ARPC2: variants seen among roughly 807,000 people sequenced by gnomAD.
ARPC2 encodes the protein actin-related protein 2/3 complex subunit 2.
In ARPC2, 4 loss-of-function variants were observed where a neutral mutation model predicts 38.6. The ratio of observed to expected loss-of-function variants is 0.10; its 90% CI spans 0.05 to 0.24. ARPC2 has a LOEUF of 0.24. ARPC2 is among the 10% of genes least tolerant of loss of function. The pLI, the probability that ARPC2 is intolerant of heterozygous loss-of-function variation, is 1.00. For synonymous variants in ARPC2, 125 were observed against 140.8 expected (o/e 0.89, Z 0.79); for missense variants, 229 against 387.3 (o/e 0.59, Z 3.43).
chr2:218,254,081 T>A lies in ARPC2; in HGVS notation c.*166T>A. On this transcript the variant is annotated 3_prime_UTR_variant, in exon 11 of 11. Coordinates refer to ENST00000315717, the MANE Select transcript of ARPC2 (RefSeq NM_152862.3). ...ATAATCTGCAGAAACGAGCTGTGCT[T>A]GCAAAGACTTCATAGTTCCCAAGAA... 1.4e-6 allele frequency: 1 copy of A among 692,330 alleles called. No homozygotes were observed. The highest frequency in any genetic ancestry group is 2.3e-5 in the South Asian group (1 of 42,742). 42.9% of individuals were successfully genotyped at this position (692,330 alleles called of 1,614,324 possible).
chr2:218,245,381 C>G (rs1690007489), intron 7 of ARPC2, 39 bp from the exon 8 acceptor site: 2 of 1,612,934 alleles, frequency 1.2e-6, no homozygotes, highest in South Asian at 2.2e-5. Flanking sequence ...TCATCTTACA[C>G]CCACTTCTCT....
intron 2 of ARPC2, among the ~76,000 whole-genome samples, chr2:218,224,903 G>A (rs1292491481): frequency 3.9e-5 from 6 of 152,140 alleles, no homozygotes; most frequent in Admixed American, 6.5e-5. Context: ...CGTTTCTTTC[G>A]CAGGTAATGG....
At chr2:218,239,716 C>T (rs1051796936) in intron 7 of ARPC2, among the ~76,000 whole-genome samples, 6 of 151,778 alleles carry the variant, frequency 4.0e-5, no homozygotes, top group Non-Finnish European at 8.8e-5. Context: ...GCCTCAACCT[C>T]CTGAGTAGCT....
intron 10 of ARPC2, among the ~76,000 whole-genome samples, chr2:218,252,316 A>G (rs1367242515): frequency 6.6e-6 from 1 of 152,212 alleles, no homozygotes; most frequent in Non-Finnish European, 1.5e-5. Flanking sequence ...ATGCCATGCA[A>G]TGAAATGGCA....
At chr2:218,223,705 A>G (rs1304908417) in intron 2 of ARPC2, among the ~76,000 whole-genome samples, 1 of 152,238 alleles carries the variant, frequency 6.6e-6, no homozygotes, top group Non-Finnish European at 1.5e-5. Flanking sequence ...CTGTGGTCAC[A>G]TAGCCAATAA....
At chr2:218,239,073 T>C in intron 6 of ARPC2, 2 of 566,054 alleles carry the variant, frequency 3.5e-6, no homozygotes, top group Non-Finnish European at 6.2e-6. Context: ...AATCCAGTGC[T>C]TTCCTTTAAG....
chr2:218,220,276 A>G (rs1411025903), intron 2 of ARPC2, among the ~76,000 whole-genome samples: 1 of 152,176 alleles, frequency 6.6e-6, no homozygotes, highest in Non-Finnish European at 1.5e-5. Context: ...CCGATGGGGG[A>G]AATTACAGTT....
At position 218,222,974 on chromosome 2, in the gene ARPC2, C is replaced by G. The variant is rs190287093; in HGVS notation, c.75-2946C>G. 1.2e-3 allele frequency among the ~76,000 whole-genome samples: 182 copies of G among 152,282 alleles called. 1 individual carries two copies. The highest frequency in any genetic ancestry group is 4.1e-3 in the African/African-American group (172 of 41,548). On this transcript the variant is annotated intron_variant, in intron 2 of 10. Transcript: ENST00000315717. Reference sequence around the variant, plus strand: ...TGTATGGCACATTTGGGTAAATGGTCTAGCCTCTCAGAGATCCTGCCACCT... The same window carrying G: ...TGTATGGCACATTTGGGTAAATGGTGTAGCCTCTCAGAGATCCTGCCACCT...
At chr2:218,253,739 A>G (rs1690249497) in intron 10 of ARPC2, 152 bp from the exon 11 acceptor site, 2 of 927,242 alleles carry the variant, frequency 2.2e-6, no homozygotes, top group South Asian at 2.1e-5. Context: ...ATTTTAGCCG[A>G]TGTCCTGTGG....
chr2:218,223,374 A>G (rs1689427078), intron 2 of ARPC2, among the ~76,000 whole-genome samples: 1 of 152,234 alleles, frequency 6.6e-6, no homozygotes, highest in African/African-American at 2.4e-5. Flanking sequence ...CTTGTGTTCA[A>G]GTTACCCTTA....
Position 218,234,348 on chromosome 2 carries a change from C to G in ARPC2, c.223-4C>G. On this transcript the variant is annotated splice_region_variant and splice_polypyrimidine_tract_variant and intron_variant, in intron 4 of 10. Coordinates refer to ENST00000315717, the MANE Select transcript of ARPC2 (RefSeq NM_152862.3). ...TTTGGTTTTGTTTTGTTTTTATTTT[C>G]TAGTTATTAAAGAGGGTGTACGGGA... is the stretch of plus-strand genomic sequence containing the variant. 1 of 1,595,416 alleles carries G rather than the reference C, an allele frequency of 6.3e-7. No homozygotes were observed. The highest frequency in any genetic ancestry group is 8.6e-7 in the Non-Finnish European group (1 of 1,167,622).
chr2:218,250,024 T>A, intron 10 of ARPC2, 103 bp downstream of exon 10: 1 of 993,458 alleles, frequency 1.0e-6, no homozygotes, highest in Non-Finnish European at 1.5e-6. Context: ...GGGCACTGGC[T>A]ACATATGAGG....
chr2:218,253,145 A>G, intron 10 of ARPC2: 1 of 362,506 alleles, frequency 2.8e-6, no homozygotes, highest in Non-Finnish European at 5.4e-6. Context: ...AATAAGGTGT[A>G]GCTTCATTTT....
At position 218,245,479 on chromosome 2, in the gene ARPC2, G is replaced by A. The variant is rs745397722; in HGVS notation, c.609G>A (p.Arg203=). 7 of 1,614,158 alleles carry A rather than the reference G, an allele frequency of 4.3e-6. No homozygotes were observed. In the South Asian group the frequency reaches 7.7e-5, roughly 18 times the overall value. The part of the protein sequence containing the change: ...HTAPQVLFSH[R]EPPLELKDTD... Reference sequence around the variant, plus strand: ...CCCCACAGGTCCTCTTTAGCCACAGGGAACCTCCTCTGGAGCTGAAAGACA... The same window carrying A: ...CCCCACAGGTCCTCTTTAGCCACAGAGAACCTCCTCTGGAGCTGAAAGACA... The change falls in exon 8 of 11, where the codon AGG becomes AGA. Residue 203 remains arginine, a synonymous_variant. Coordinates refer to ENST00000315717, the MANE Select transcript of ARPC2 (RefSeq NM_152862.3).
In ARPC2 at chr2:218,217,205, T is replaced by C. The variant is rs528204330; in HGVS notation, c.-58T>C. On this transcript the variant is annotated 5_prime_UTR_variant, in exon 1 of 11. Transcript: ENST00000315717. The stretch of plus-strand genomic sequence containing the variant: ...ACCGGGCTTGTCGGTGAAGCGGCAG[T>C]GGCGGCGGCGGCGGCGGCTCGGCAG... 3.7e-5 allele frequency: 16 copies of C among 431,384 alleles called. No homozygotes were observed. The highest frequency in any genetic ancestry group is 2.6e-4 in the African/African-American group (12 of 46,920). The allele number at this position is 431,384 out of a possible 1,614,324, so 26.7% of individuals were successfully genotyped here.
rs760743331 is a variant in ARPC2 at position 218,254,142 on chromosome 2, C to T, written c.*227C>T. On this transcript the variant is annotated 3_prime_UTR_variant, in exon 11 of 11. Coordinates refer to ENST00000315717, the MANE Select transcript of ARPC2 (RefSeq NM_152862.3). ...AAAAAAAAGAATTCCACTTGATCAACTTAATTCCTTTTCTTTATCTTCCCT... is the reference window on the plus strand; with the variant it reads ...AAAAAAAAGAATTCCACTTGATCAATTTAATTCCTTTTCTTTATCTTCCCT... 541 of 519,994 alleles carry T rather than the reference C, an allele frequency of 1.0e-3. 2 individuals are homozygous for T. Among genetic ancestry groups the T allele is most frequent in the Non-Finnish European group, 1.4e-3 (431 of 300,508 alleles). The allele number at this position is 519,994 out of a possible 1,614,324, so 32.2% of individuals were successfully genotyped here.
chr2:218,231,931 C>G (rs770579964), intron 4 of ARPC2, among the ~76,000 whole-genome samples: 3 of 151,948 alleles, frequency 2.0e-5, no homozygotes, highest in Non-Finnish European at 4.4e-5. Flanking sequence ...TAGTGAGACC[C>G]TGTCTTTGTA....
intron 5 of ARPC2, chr2:218,234,607 G>A (rs1464390547): frequency 8.7e-6 from 5 of 573,176 alleles, no homozygotes; most frequent in Non-Finnish European, 1.5e-5. Flanking sequence ...CAAAATTGAT[G>A]TGTGACATTT....
intron 6 of ARPC2, 131 bp from the exon 7 acceptor site, chr2:218,239,260 C>A: frequency 1.5e-6 from 1 of 654,728 alleles, no homozygotes; most frequent in Non-Finnish European, 2.7e-6. Flanking sequence ...AATATCATCT[C>A]ATTTGGCACA....
Sources: gnomAD v4.1 joint callset for allele counts (sites outside exome capture counted in the v4.1 genomes callset) on GRCh38, gnomAD v4.1.1 for gene constraint, MANE v1.5 for transcripts, NCBI Gene and HGNC (gene_info 2026-07-23, HGNC 2026-07-21) for gene names.